SLC38A1: variants seen among roughly 807,000 people sequenced by gnomAD.
SLC38A1 encodes solute carrier family 38 member 1, also known as sodium-coupled neutral amino acid symporter 1.
Under a neutral mutation model 60.3 loss-of-function variants are expected in SLC38A1, and 18 were observed. The observed-to-expected ratio is 0.30, with a 90% CI of 0.21 to 0.44. The LOEUF (loss-of-function observed/expected upper bound fraction) is 0.44, where lower values mean the gene tolerates loss of function less well. Among genes scored for constraint, SLC38A1 ranks in the 20% least tolerant of loss-of-function variants. The pLI is 1.00. For missense variants in SLC38A1, 448 were observed against 587.2 expected (o/e 0.76, Z 2.45); for synonymous variants, 196 against 212.1 (o/e 0.92, Z 0.66).
chr12:46,196,004 G>A (rs1939358518), intron 16 of SLC38A1: 4 of 748,062 alleles, frequency 5.3e-6, no homozygotes, highest in Non-Finnish European at 8.5e-6. Flanking sequence ...TACCTCAGTT[G>A]GAAATGCAGA....
intron 8 of SLC38A1, 23 bp downstream of exon 8, chr12:46,207,132 T>C (rs749908182): frequency 1.9e-5 from 28 of 1,495,486 alleles, no homozygotes; most frequent in Non-Finnish European, 2.3e-5. Flanking sequence ...AGTTATATCA[T>C]AAAAAAATGG....
chr12:46,189,124 A>G (rs1939036669), intron 16 of SLC38A1, 53 bp from the exon 17 acceptor site: 23 of 1,420,108 alleles, frequency 1.6e-5, no homozygotes, highest in Non-Finnish European at 2.2e-5. Context: ...ATTTTTCCAC[A>G]TGTACCTGGG....
At chr12:46,242,081 G>T (rs1235230130) in intron 2 of SLC38A1, among the ~76,000 whole-genome samples, 1 of 152,108 alleles carries the variant, frequency 6.6e-6, no homozygotes, top group Non-Finnish European at 1.5e-5. Context: ...ACGCGTGCAC[G>T]TGTGTAAAAC....
intron 1 of SLC38A1, among the ~76,000 whole-genome samples, chr12:46,252,316 A>G (rs992993727): frequency 2.8e-4 from 43 of 152,170 alleles, no homozygotes; most frequent in African/African-American, 9.9e-4. Flanking sequence ...GGAGGGGAAC[A>G]TCACACACCG....
Position 46,218,117 on chromosome 12 carries a change from A to ATGT in SLC38A1, c.315-8993_315-8991dup, listed in dbSNP as rs575920620. On this transcript the variant is annotated intron_variant, in intron 5 of 16. Transcript: ENST00000398637. ...AAGGGAGGTCTGAGCTTAAATGAGG[A>ATGT]TGTTGTACCAGTGAGAAAGAGCGCC... 3.3e-4 allele frequency among the ~76,000 whole-genome samples: 50 copies of ATGT among 152,304 alleles called. 2 individuals carry two copies. The East Asian group carries it at 8.7e-3, about 26-fold the overall frequency.
At chr12:46,259,090 A>G (rs1942121009) in intron 1 of SLC38A1, among the ~76,000 whole-genome samples, 2 of 152,188 alleles carry the variant, frequency 1.3e-5, no homozygotes, top group African/African-American at 2.4e-5. Context: ...GGATATATTA[A>G]TTTTCTTGAC....
chr12:46,246,018 T>G (rs1310490548), intron 1 of SLC38A1, among the ~76,000 whole-genome samples: 1 of 152,208 alleles, frequency 6.6e-6, no homozygotes, highest in East Asian at 1.9e-4. Flanking sequence ...TATTATTTCT[T>G]GATCTCTGTC....
intron 16 of SLC38A1, among the ~76,000 whole-genome samples, chr12:46,193,748 G>A (rs1232675564): frequency 6.6e-6 from 1 of 151,294 alleles, no homozygotes; most frequent in Non-Finnish European, 1.5e-5. Flanking sequence ...AGACTAGGAT[G>A]GCAAGTCCTG....
At chr12:46,203,410 G>A (rs1181448468) in intron 11 of SLC38A1, among the ~76,000 whole-genome samples, 2 of 152,060 alleles carry the variant, frequency 1.3e-5, no homozygotes, top group Non-Finnish European at 2.9e-5. Flanking sequence ...TAGCTCGCTG[G>A]GTCCCCACAG....
Position 46,269,004 on chromosome 12 carries a change from C to G in SLC38A1, c.-687G>C. On this transcript the variant is annotated 5_prime_UTR_variant, in exon 1 of 17. Transcript: ENST00000398637. ...CCCGTCCCGCGCGCGGTCTCCTCCC[C>G]TCCTGTGCGCCCGCTCTTTAACCAA... 1 of 353,444 alleles carries G rather than the reference C, an allele frequency of 2.8e-6. No individual in the cohort carries two copies. The highest frequency in any genetic ancestry group is 6.1e-6 in the Non-Finnish European group (1 of 165,094). 21.9% of individuals were successfully genotyped at this position (353,444 alleles called of 1,614,324 possible).
rs1938931377 is a variant in SLC38A1, at chr12:46,186,190, G to A, written c.*2780C>T. On this transcript the variant is annotated 3_prime_UTR_variant, in exon 17 of 17. Coordinates refer to ENST00000398637, the MANE Select transcript of SLC38A1 (RefSeq NM_030674.4). Reference sequence around the variant, plus strand: ...ATCTCCTTATACACTGGGGCTGCCTGTGCCTAAACACAGTAGATTTCCCTC... The same window carrying A: ...ATCTCCTTATACACTGGGGCTGCCTATGCCTAAACACAGTAGATTTCCCTC... The A allele has an allele frequency of 6.6e-6, 1 of 152,144 alleles. No homozygotes were observed. Among genetic ancestry groups the A allele is most frequent in the Non-Finnish European group, 1.5e-5 (1 of 68,032 alleles). The allele number at this position is 152,144 out of a possible 1,614,324, so 9.4% of individuals were successfully genotyped here.
intron 3 of SLC38A1, among the ~76,000 whole-genome samples, chr12:46,237,433 C>T (rs752856680): frequency 2.7e-5 from 4 of 148,480 alleles, no homozygotes; most frequent in African/African-American, 5.2e-5. Flanking sequence ...TGTGTTAGAG[C>T]GAGAAATGAA....
At chr12:46,258,859 G>C (rs528691686) in intron 1 of SLC38A1, among the ~76,000 whole-genome samples, 1 of 152,264 alleles carries the variant, frequency 6.6e-6, no homozygotes, top group African/African-American at 2.4e-5. Context: ...TCACTATGTT[G>C]GCCAGGCTGG....
At chr12:46,195,022 T>G (rs2136918081) in intron 16 of SLC38A1, among the ~76,000 whole-genome samples, 1 of 152,316 alleles carries the variant, frequency 6.6e-6, no homozygotes, top group Admixed American at 6.5e-5. Context: ...GTGCTTGTTT[T>G]TTGGAATTTT....
intron 1 of SLC38A1, among the ~76,000 whole-genome samples, chr12:46,250,701 GACAA>G (rs774976507): frequency 5.9e-5 from 9 of 152,046 alleles, no homozygotes; most frequent in Non-Finnish European, 1.0e-4. Flanking sequence ...ATAACAGACA[GACAA>G]ACAGAGAGCC....
intron 5 of SLC38A1, among the ~76,000 whole-genome samples, chr12:46,211,904 C>A (rs1440618966): frequency 6.6e-6 from 1 of 152,170 alleles, no homozygotes; most frequent in Non-Finnish European, 1.5e-5. Context: ...TAATATAAAG[C>A]AAAACCCCCT....
intron 1 of SLC38A1, chr12:46,254,759 G>C (rs1941966797): frequency 6.6e-6 from 1 of 152,470 alleles, no homozygotes; most frequent in Non-Finnish European, 1.5e-5. Context: ...AAAGAAAACA[G>C]ATTCTTATTG....
intron 5 of SLC38A1, among the ~76,000 whole-genome samples, chr12:46,216,769 A>G (rs968843158): frequency 6.6e-6 from 1 of 152,112 alleles, no homozygotes; most frequent in African/African-American, 2.4e-5. Flanking sequence ...CTGAGGCAGG[A>G]GAATTGCTTG....
Position 46,239,807 on chromosome 12 carries a change from A to G in SLC38A1, c.-7T>C. On this transcript the variant is annotated 5_prime_UTR_variant, in exon 3 of 17. Coordinates refer to ENST00000398637, the MANE Select transcript of SLC38A1 (RefSeq NM_030674.4). ...CACTTTTGAAATGCATCATGATTAG[A>G]AAGTGTCTGTAGTTTGAAAATTAGT... The G allele has an allele frequency of 6.2e-7, 1 of 1,612,266 alleles. No homozygotes were observed. Among genetic ancestry groups the G allele is most frequent in the Non-Finnish European group, 8.5e-7 (1 of 1,179,910 alleles).
Sources: allele counts gnomAD v4.1 joint callset (sites outside exome capture counted in the v4.1 genomes callset), GRCh38; gene constraint gnomAD v4.1.1; transcripts MANE v1.5; gene names NCBI Gene and HGNC (gene_info 2026-07-23, HGNC 2026-07-21).